The following IL12RB2 variants were observed in gnomAD, a reference collection of about 807,000 sequenced individuals.
The protein encoded by IL12RB2 is interleukin 12 receptor subunit beta 2.
Under a neutral mutation model 89.4 loss-of-function variants are expected in IL12RB2, and 82 were observed. The observed-to-expected ratio is 0.92, with a 90% confidence interval of 0.77 to 1.10. The LOEUF (loss-of-function observed/expected upper bound fraction) is 1.10. Among genes scored for constraint, IL12RB2 ranks in the 50% least tolerant of loss-of-function variants. The probability of loss-of-function intolerance (pLI) is 0.00; values close to 1 mark genes in which losing one functional copy is unlikely to be tolerated. For missense variants in IL12RB2, 963 were observed against 1,031.9 expected, an observed-to-expected ratio of 0.93 and a Z score of 0.92; for synonymous variants, 368 against 370.1, an observed-to-expected ratio of 0.99 and a Z score of 0.07.
At chr1:67,354,605 C>T (rs1266508385) in intron 10 of IL12RB2, among the ~76,000 whole-genome samples, 1 of 152,158 alleles carries the variant, frequency 6.6e-6, no homozygotes, top group Non-Finnish European at 1.5e-5. Context: ...GGCCTCTTGC[C>T]TCTCCTAAGA....
intron 5 of IL12RB2, among the ~76,000 whole-genome samples, chr1:67,327,484 A>C (rs1003936491): frequency 2.0e-5 from 3 of 152,086 alleles, no homozygotes; most frequent in Non-Finnish European, 4.4e-5. Flanking sequence ...TGGCTGCATA[A>C]GATCGCTTCT....
At chr1:67,334,742 G>T (rs1278080431) in intron 8 of IL12RB2, among the ~76,000 whole-genome samples, 1 of 152,140 alleles carries the variant, frequency 6.6e-6, no homozygotes, top group Non-Finnish European at 1.5e-5. Flanking sequence ...GCCTCCCAAA[G>T]TTCTGGGATT....
intron 6 of IL12RB2, 57 bp downstream of exon 6, chr1:67,328,441 A>G (rs986707219): frequency 1.9e-6 from 3 of 1,608,872 alleles, no homozygotes; most frequent in Non-Finnish European, 2.5e-6. Flanking sequence ...AAATCACTCA[A>G]ATCTTTTTTA....
At chr1:67,308,121 T>A (rs1654523999) in intron 1 of IL12RB2, among the ~76,000 whole-genome samples, 154 bp downstream of exon 1, 1 of 151,936 alleles carries the variant, frequency 6.6e-6, no homozygotes. Context: ...ATATATATAT[T>A]TTTAAAGTCT....
At chr1:67,358,564 G>T (rs1661647839) in intron 10 of IL12RB2, among the ~76,000 whole-genome samples, 1 of 151,112 alleles carries the variant, frequency 6.6e-6, no homozygotes, top group Admixed American at 6.6e-5. Context: ...CAACAAGAGT[G>T]AAACTCCATC....
chr1:67,350,794 T>C, intron 9 of IL12RB2, 76 bp from the exon 10 acceptor site: 2 of 1,585,344 alleles, frequency 1.3e-6, no homozygotes, highest in South Asian at 2.3e-5. Flanking sequence ...AGTACATCTG[T>C]ACCCATGAGG....
In IL12RB2 at chr1:67,384,551, T is replaced by G. The variant is rs188158935; in HGVS notation, c.1856-2028T>G. Among the ~76,000 whole-genome samples the G allele has an allele frequency of 3.8e-3, 572 of 152,360 alleles. 3 individuals carry two copies. Among genetic ancestry groups the G allele is most frequent in the African/African-American group, 0.013 (554 of 41,590 alleles). On this transcript the variant is annotated intron_variant, in intron 14 of 16. Transcript: ENST00000674203. ...CCCCATTGTCTTGGTAATTAACATT[T>G]GGCTCCTCATTACCTATGCAAATTT...
intron 10 of IL12RB2, among the ~76,000 whole-genome samples, chr1:67,358,186 A>C (rs1661607378): frequency 6.6e-6 from 1 of 152,228 alleles, no homozygotes; most frequent in Non-Finnish European, 1.5e-5. Context: ...CAATAACAAA[A>C]CATATAAAAA....
chr1:67,340,490 A>C (rs1659405189), intron 9 of IL12RB2, among the ~76,000 whole-genome samples: 1 of 152,216 alleles, frequency 6.6e-6, no homozygotes, highest in South Asian at 2.1e-4. Context: ...CACGCCTCTC[A>C]ACTCAAGGGT....
intron 8 of IL12RB2, among the ~76,000 whole-genome samples, chr1:67,332,931 T>C (rs186332391): frequency 6.6e-6 from 1 of 152,368 alleles, no homozygotes; most frequent in East Asian, 1.9e-4. Flanking sequence ...GTCTTTTGAA[T>C]TAAAATTCCT....
intron 4 of IL12RB2, among the ~76,000 whole-genome samples, chr1:67,323,701 C>T (rs565166312): frequency 3.3e-5 from 5 of 152,268 alleles, no homozygotes; most frequent in African/African-American, 7.2e-5. Flanking sequence ...CTCGCATGCA[C>T]CCTTTCCCAG....
Position 67,335,098 on chromosome 1 carries a change from AT to A in IL12RB2, c.959-3524del, listed in dbSNP as rs534890454. ...CCTATCTTGGAAGGAAGGAATGATA[AT>A]TCAGAACTCTTTTCAAGAAGTTATA... On this transcript the variant is annotated intron_variant, in intron 8 of 16. Transcript: ENST00000674203. Among the ~76,000 whole-genome samples, 12 of 152,334 alleles carry A rather than the reference AT, an allele frequency of 7.9e-5. No homozygotes were observed. The South Asian group carries it at 2.5e-3, about 32-fold the overall frequency.
At chr1:67,336,484 A>C (rs921155761) in intron 8 of IL12RB2, among the ~76,000 whole-genome samples, 2 of 152,180 alleles carry the variant, frequency 1.3e-5, no homozygotes, top group Non-Finnish European at 1.5e-5. Flanking sequence ...GCCACTCTTC[A>C]TATTCCTGGA....
intron 9 of IL12RB2, among the ~76,000 whole-genome samples, chr1:67,342,444 C>T (rs1197664494): frequency 1.3e-5 from 2 of 151,996 alleles, no homozygotes; most frequent in Non-Finnish European, 2.9e-5. Flanking sequence ...AGAACAACTC[C>T]GTGCTGATTG....
At chr1:67,373,493 A>T (rs928326047) in intron 13 of IL12RB2, among the ~76,000 whole-genome samples, 1 of 152,234 alleles carries the variant, frequency 6.6e-6, no homozygotes, top group Non-Finnish European at 1.5e-5. Flanking sequence ...ATTATGGCAT[A>T]TTATTTTCTT....
intron 3 of IL12RB2, 94 bp downstream of exon 3, chr1:67,320,538 GT>G (rs1366016796): frequency 9.7e-5 from 154 of 1,591,946 alleles, no homozygotes; most frequent in Non-Finnish European, 1.3e-4. Context: ...TGTTCTGGTA[GT>G]TGGTCTTTTG....
At chr1:67,334,400 G>A (rs1658485203) in intron 8 of IL12RB2, among the ~76,000 whole-genome samples, 1 of 152,192 alleles carries the variant, frequency 6.6e-6, no homozygotes, top group African/African-American at 2.4e-5. Context: ...AAACAGGCAT[G>A]GCTGTGTTCC....
chr1:67,325,516 C>A (rs1055867584), intron 4 of IL12RB2, among the ~76,000 whole-genome samples: 2 of 152,234 alleles, frequency 1.3e-5, no homozygotes, highest in African/African-American at 4.8e-5. Context: ...CCCACCTCAG[C>A]CTCCCAAATT....
intron 6 of IL12RB2, among the ~76,000 whole-genome samples, chr1:67,328,981 T>TC (rs1657693826): frequency 6.6e-6 from 1 of 152,210 alleles, no homozygotes; most frequent in African/African-American, 2.4e-5. Context: ...CTGGGCTGCC[T>TC]GAAGTTCCAA....
Sources: gnomAD v4.1 joint callset for allele counts (sites outside exome capture counted in the v4.1 genomes callset) on GRCh38, gnomAD v4.1.1 for gene constraint, MANE v1.5 for transcripts, NCBI Gene and HGNC (gene_info 2026-07-23, HGNC 2026-07-21) for gene names.